The following DLG2 variants were observed in gnomAD, a reference collection of about 807,000 sequenced individuals.
DLG2 encodes the protein discs large MAGUK scaffold protein 2.
A neutral mutation model predicts 132.5 loss-of-function variants in DLG2; 45 were observed. That is an observed-to-expected ratio of 0.34 (90% confidence interval 0.27 to 0.44). The LOEUF (loss-of-function observed/expected upper bound fraction) is 0.44. Ranked by LOEUF, DLG2 falls within the 20% of genes least tolerant of loss-of-function variation. The pLI is 1.00. For synonymous variants in DLG2, 424 were observed against 419.6 expected (o/e 1.01, Z -0.13); for missense variants, 1,045 against 1,196.9 (o/e 0.87, Z 1.87).
chr11:84,689,573 C>T (rs2057775612), intron 6 of DLG2, among the ~76,000 whole-genome samples: 1 of 152,046 alleles, frequency 6.6e-6, no homozygotes, highest in Admixed American at 6.6e-5. Context: ...AGTTTGAGCA[C>T]TATTGACATC....
intron 6 of DLG2, among the ~76,000 whole-genome samples, chr11:84,839,197 T>A (rs1045184673): frequency 6.6e-6 from 1 of 151,898 alleles, no homozygotes; most frequent in Non-Finnish European, 1.5e-5. Flanking sequence ...TATACAACAA[T>A]AAAAGACAAA....
Position 85,319,996 on chromosome 11 carries a change from A to G in DLG2, c.41-34631T>C, listed in dbSNP as rs112841093. Among the ~76,000 whole-genome samples the G allele has an allele frequency of 5.1e-3, 778 of 151,992 alleles. 1 individual carries two copies. Among genetic ancestry groups the G allele is most frequent in the Non-Finnish European group, 8.6e-3 (580 of 67,750 alleles). On this transcript the variant is annotated intron_variant, in intron 3 of 27. Coordinates refer to ENST00000376104, the MANE Select transcript of DLG2 (RefSeq NM_001142699.3). Reference sequence around the variant, plus strand: ...CATGTTTCATTCCTTCATATCAGGTAAAGCCCATAACTGAGATGAAGGTAG... The same window carrying G: ...CATGTTTCATTCCTTCATATCAGGTGAAGCCCATAACTGAGATGAAGGTAG...
intron 10 of DLG2, among the ~76,000 whole-genome samples, chr11:84,061,851 C>CAAA (rs58817248): frequency 7.4e-6 from 1 of 135,998 alleles, no homozygotes; most frequent in Non-Finnish European, 1.6e-5. Context: ...CTCTGATTGA[C>CAAA]AAAAAAAAAA....
chr11:85,502,017 CG>C lies in DLG2; in HGVS notation c.40+96639del, dbSNP rs372224896. ...ACAATAGCAAAGACTTGGAACCAAC[CG>C]CAATGTCCACCAATGATAGACTGGA... is the stretch of plus-strand genomic sequence containing the variant. On this transcript the variant is annotated intron_variant, in intron 3 of 27. Coordinates refer to ENST00000376104, the MANE Select transcript of DLG2 (RefSeq NM_001142699.3). Among the ~76,000 whole-genome samples the C allele has an allele frequency of 9.7e-3, 1,477 of 152,166 alleles. 33 individuals carry two copies. Among genetic ancestry groups the C allele is most frequent in the African/African-American group, 0.034 (1,420 of 41,488 alleles).
At chr11:84,241,867 C>G (rs1008044580) in intron 8 of DLG2, among the ~76,000 whole-genome samples, 2 of 152,202 alleles carry the variant, frequency 1.3e-5, no homozygotes, top group Admixed American at 1.3e-4. Flanking sequence ...GTTCCACTCT[C>G]AGAGATTCTG....
At chr11:85,032,166 A>T (rs1413150325) in intron 6 of DLG2, among the ~76,000 whole-genome samples, 2 of 152,038 alleles carry the variant, frequency 1.3e-5, no homozygotes, top group Non-Finnish European at 2.9e-5. Context: ...ATCAATGTTG[A>T]AGTAGAGCTT....
intron 6 of DLG2, among the ~76,000 whole-genome samples, chr11:84,901,023 A>G (rs1590926287): frequency 6.6e-6 from 1 of 152,088 alleles, no homozygotes; most frequent in East Asian, 1.9e-4. Flanking sequence ...GCGAGTCCAT[A>G]TGTAAATTAG....
intron 8 of DLG2, among the ~76,000 whole-genome samples, chr11:84,190,707 G>T (rs751141110): frequency 1.3e-5 from 2 of 152,164 alleles, no homozygotes; most frequent in Non-Finnish European, 2.9e-5. Flanking sequence ...CCTATTAGGA[G>T]ATGCACAATC....
intron 7 of DLG2, among the ~76,000 whole-genome samples, chr11:84,408,500 C>G (rs915500580): frequency 1.3e-5 from 2 of 152,154 alleles, no homozygotes; most frequent in African/African-American, 2.4e-5. Flanking sequence ...TTGCTTGGGA[C>G]TCAGGGTTGC....
chr11:85,220,062 T>C (rs1386885913), intron 4 of DLG2, among the ~76,000 whole-genome samples: 1 of 152,106 alleles, frequency 6.6e-6, no homozygotes, highest in African/African-American at 2.4e-5. Context: ...ACCTTTAACA[T>C]ACTAGTGGTA....
At chr11:83,581,278 G>C (rs1593690073) in intron 19 of DLG2, among the ~76,000 whole-genome samples, 2 of 152,076 alleles carry the variant, frequency 1.3e-5, no homozygotes, top group South Asian at 4.1e-4. Flanking sequence ...TAAAATTATT[G>C]ACATAAACCA....
intron 6 of DLG2, among the ~76,000 whole-genome samples, chr11:84,833,800 T>C (rs188974528): frequency 8.6e-5 from 13 of 151,766 alleles, no homozygotes; most frequent in African/African-American, 2.7e-4. Context: ...AAAACTATTG[T>C]TTTTTGCACA....
chr11:85,360,967 T>G (rs1415467812), intron 3 of DLG2, among the ~76,000 whole-genome samples: 1 of 152,156 alleles, frequency 6.6e-6, no homozygotes. Flanking sequence ...AGAGTCTCAT[T>G]GTATGTAAAG....
chr11:84,568,340 C>T (rs1015337561), intron 6 of DLG2, among the ~76,000 whole-genome samples: 7 of 152,100 alleles, frequency 4.6e-5, no homozygotes, highest in African/African-American at 1.4e-4. Flanking sequence ...GAAACCCCGT[C>T]TCTACTAAAA....
At chr11:83,644,005 T>C (rs2067373231) in intron 18 of DLG2, among the ~76,000 whole-genome samples, 1 of 152,178 alleles carries the variant, frequency 6.6e-6, no homozygotes, top group South Asian at 2.1e-4. Context: ...TACATCTCTA[T>C]AAGTGAATTC....
chr11:84,618,072 T>C (rs2154540269), intron 6 of DLG2, among the ~76,000 whole-genome samples: 1 of 151,942 alleles, frequency 6.6e-6, no homozygotes, highest in Middle Eastern at 3.4e-3. Context: ...AGTATCCTGG[T>C]AGGTAAATAG....
At position 84,698,777 on chromosome 11, in the gene DLG2, T is replaced by G. The variant is rs949031473; in HGVS notation, c.358-164046A>C. 3.4e-5 allele frequency among the ~76,000 whole-genome samples: 5 copies of G among 147,246 alleles called. No homozygotes were observed. In the South Asian group the frequency reaches 1.2e-3, roughly 34 times the overall value. On this transcript the variant is annotated intron_variant, in intron 6 of 27. Transcript: ENST00000376104. ...CACAGTTAATTTATGAAAAGTCAAC[T>G]GAATATACTGTTGCGTTTTTTTTGT...
chr11:84,763,698 C>T (rs933686397), intron 6 of DLG2, among the ~76,000 whole-genome samples: 4 of 152,184 alleles, frequency 2.6e-5, no homozygotes, highest in Non-Finnish European at 5.9e-5. Flanking sequence ...AGAGGATACA[C>T]AAACATTCAG....
At chr11:83,861,307 G>A (rs2061416704) in intron 16 of DLG2, among the ~76,000 whole-genome samples, 1 of 152,118 alleles carries the variant, frequency 6.6e-6, no homozygotes, top group Non-Finnish European at 1.5e-5. Context: ...AATCACTATG[G>A]AGAACAGTTT....
Sources: gnomAD v4.1 joint callset for allele counts (sites outside exome capture counted in the v4.1 genomes callset) on GRCh38, gnomAD v4.1.1 for gene constraint, MANE v1.5 for transcripts, NCBI Gene and HGNC (gene_info 2026-07-23, HGNC 2026-07-21) for gene names.